PTPN9: variants seen among roughly 807,000 people sequenced by gnomAD.
PTPN9 encodes the protein tyrosine-protein phosphatase non-receptor type 9.
A neutral mutation model predicts 69.8 loss-of-function variants in PTPN9; 26 were observed. The observed-to-expected ratio is 0.37, with a 90% CI of 0.27 to 0.52. The LOEUF is 0.52. Ranked by LOEUF, PTPN9 falls within the 20% of genes least tolerant of loss-of-function variation. The probability of loss-of-function intolerance (pLI) is 0.91; values close to 1 mark genes in which losing one functional copy is unlikely to be tolerated. For missense variants in PTPN9, 549 were observed against 740.3 expected, an observed-to-expected ratio of 0.74 and a Z score of 3.00; for synonymous variants, 274 against 272.5, an observed-to-expected ratio of 1.01 and a Z score of -0.05.
chr15:75,555,592 C>T (rs1479294804), intron 1 of PTPN9, among the ~76,000 whole-genome samples: 1 of 151,952 alleles, frequency 6.6e-6, no homozygotes, highest in Non-Finnish European at 1.5e-5. Context: ...GCAACCTCCA[C>T]TTCCCAGGTT....
Position 75,527,099 on chromosome 15 carries a change from C to T in PTPN9, c.207+19G>A. 6.2e-7 allele frequency: 1 copy of T among 1,614,036 alleles called. No homozygotes were observed. The highest frequency in any genetic ancestry group is 1.1e-5 in the South Asian group (1 of 91,064). ...TTAACCCAACTGCCACAGGTCTGGTCTACCCCTGAGCCACATACTCTGTAG... is the reference window on the plus strand; with the variant it reads ...TTAACCCAACTGCCACAGGTCTGGTTTACCCCTGAGCCACATACTCTGTAG... On this transcript the variant is annotated intron_variant, in intron 2 of 12. Transcript: ENST00000618819.
intron 2 of PTPN9, among the ~76,000 whole-genome samples, chr15:75,525,197 G>A (rs988210158): frequency 6.6e-6 from 1 of 151,536 alleles, no homozygotes; most frequent in Admixed American, 6.6e-5. Context: ...CTGATGGCCA[G>A]ATTCTTTTTT....
At chr15:75,560,156 A>T (rs1304066913) in intron 1 of PTPN9, among the ~76,000 whole-genome samples, 3 of 142,196 alleles carry the variant, frequency 2.1e-5, no homozygotes, top group South Asian at 2.2e-4. Flanking sequence ...AAAAAAAAAA[A>T]TTTATCTGAT....
chr15:75,575,624 T>C (rs929851854), intron 1 of PTPN9, among the ~76,000 whole-genome samples: 5 of 152,148 alleles, frequency 3.3e-5, no homozygotes, highest in African/African-American at 1.2e-4. Context: ...TAAATAAATC[T>C]TAAGAGTACC....
chr15:75,513,895 T>TA (rs1178982331), intron 5 of PTPN9, among the ~76,000 whole-genome samples: 10 of 151,678 alleles, frequency 6.6e-5, no homozygotes, highest in Admixed American at 4.6e-4. Context: ...GGTCAGGAGT[T>TA]AGAGTCTAGC....
Position 75,464,292 on chromosome 15 carries a change from AG to A in PTPN9, c.*4476del, listed in dbSNP as rs1239885840. 1.9e-4 allele frequency: 29 copies of A among 150,702 alleles called. No homozygotes were observed. The highest frequency in any genetic ancestry group is 6.8e-4 in the African/African-American group (28 of 40,908). 9.3% of individuals were successfully genotyped at this position (150,702 alleles called of 1,614,324 possible). ...AGATCCTGTCTCTAGAGAGAGAGAGAGAAAAAAAAAAAAAGCTGGGTTCCTG... is the reference window on the plus strand; with the variant it reads ...AGATCCTGTCTCTAGAGAGAGAGAGAAAAAAAAAAAAAAGCTGGGTTCCTG... On this transcript the variant is annotated 3_prime_UTR_variant, in exon 13 of 13. Coordinates refer to ENST00000618819, the MANE Select transcript of PTPN9 (RefSeq NM_002833.4).
intron 1 of PTPN9, among the ~76,000 whole-genome samples, chr15:75,576,181 G>A (rs775114280): frequency 5.9e-5 from 9 of 151,680 alleles, no homozygotes; most frequent in South Asian, 2.1e-4. Flanking sequence ...GCAGTGAGCC[G>A]AGATCACAAC....
intron 10 of PTPN9, 190 bp from the exon 11 acceptor site, chr15:75,471,020 G>T: frequency 1.5e-6 from 1 of 657,320 alleles, no homozygotes; most frequent in Non-Finnish European, 2.5e-6. Flanking sequence ...CACAGCTAAA[G>T]TTTCTGCATG....
At position 75,467,725 on chromosome 15, in the gene PTPN9, C is replaced by T. The variant is rs533903820; in HGVS notation, c.*1044G>A. 3 of 152,644 alleles carry T rather than the reference C, an allele frequency of 2.0e-5. No individual in the cohort carries two copies. Among genetic ancestry groups the T allele is most frequent in the Admixed American group, 1.3e-4 (2 of 15,288 alleles). The allele number at this position is 152,644 out of a possible 1,614,324, so 9.5% of individuals were successfully genotyped here. On this transcript the variant is annotated 3_prime_UTR_variant, in exon 13 of 13. Coordinates refer to ENST00000618819, the MANE Select transcript of PTPN9 (RefSeq NM_002833.4). ...CCCTCCTTCCTTCTAAGATTCGTAC[C>T]GATTGCATTTGGCTCTGGCTGCTCA...
chr15:75,515,199 G>A (rs60670726), intron 5 of PTPN9, among the ~76,000 whole-genome samples: 5,796 of 151,944 alleles, frequency 0.038, 410 homozygotes, highest in African/African-American at 0.13. Flanking sequence ...AGGCTGAGGC[G>A]GGCAGTTCAC....
At chr15:75,505,644 C>T (rs930945848) in intron 7 of PTPN9, 31 bp downstream of exon 7, 4 of 1,566,662 alleles carry the variant, frequency 2.6e-6, no homozygotes, top group Non-Finnish European at 3.5e-6. Context: ...ATCCTGGTAA[C>T]CAGCTGCTGG....
At chr15:75,543,193 G>C (rs190234521) in intron 1 of PTPN9, among the ~76,000 whole-genome samples, 2 of 151,844 alleles carry the variant, frequency 1.3e-5, no homozygotes, top group East Asian at 3.9e-4. Context: ...CATTTTTTAT[G>C]GCTGCCCTTC....
chr15:75,524,107 A>G, intron 3 of PTPN9, 102 bp downstream of exon 3: 1 of 491,230 alleles, frequency 2.0e-6, no homozygotes, highest in Admixed American at 3.8e-5. Flanking sequence ...AAGTATAATA[A>G]TAATAAAATT....
intron 7 of PTPN9, among the ~76,000 whole-genome samples, chr15:75,493,894 A>C (rs538471323): frequency 3.9e-5 from 6 of 152,302 alleles, no homozygotes; most frequent in Non-Finnish European, 8.8e-5. Flanking sequence ...ACTGGAACAC[A>C]GTCAAGCCCA....
At chr15:75,494,993 C>T (rs780463404) in intron 7 of PTPN9, among the ~76,000 whole-genome samples, 18 of 152,036 alleles carry the variant, frequency 1.2e-4, no homozygotes, top group Non-Finnish European at 2.4e-4. Flanking sequence ...CACTGCACTC[C>T]AGCCTGGGTG....
chr15:75,508,039 CAAAAAAAAAAAAA>C (rs990909256), intron 6 of PTPN9, among the ~76,000 whole-genome samples: 7 of 37,380 alleles, frequency 1.9e-4, no homozygotes, highest in African/African-American at 5.7e-4. Flanking sequence ...GAGACACTCT[CAAAAAAAAAAAAA>C]AAAAAAAAAA....
chr15:75,485,237 G>A (rs1037065623), intron 8 of PTPN9, among the ~76,000 whole-genome samples: 2 of 151,938 alleles, frequency 1.3e-5, no homozygotes, highest in Non-Finnish European at 2.9e-5. Context: ...ATACCCACTC[G>A]AGGACCAAGG....
At chr15:75,516,784 C>T (rs1219811851) in intron 5 of PTPN9, among the ~76,000 whole-genome samples, 4 of 128,164 alleles carry the variant, frequency 3.1e-5, no homozygotes, top group East Asian at 4.9e-4. Context: ...CTCGCTCTGT[C>T]GCCAGGCTGG....
chr15:75,513,745 G>A (rs546933951), intron 5 of PTPN9, among the ~76,000 whole-genome samples: 1 of 150,658 alleles, frequency 6.6e-6, no homozygotes, highest in African/African-American at 2.4e-5. Context: ...TCAGCCTGGG[G>A]GACAGAGAGA....
Sources: allele counts gnomAD v4.1 joint callset (sites outside exome capture counted in the v4.1 genomes callset), GRCh38; gene constraint gnomAD v4.1.1; transcripts MANE v1.5; gene names NCBI Gene and HGNC (gene_info 2026-07-23, HGNC 2026-07-21).